Variants in SLC13A5 observed in about 807,000 individuals in gnomAD.
SLC13A5 encodes Na(+)/citrate cotransporter.
Under a neutral mutation model 56.5 loss-of-function variants are expected in SLC13A5, and 25 were observed. That is an observed-to-expected ratio of 0.44 (90% CI 0.32 to 0.62). The LOEUF (loss-of-function observed/expected upper bound fraction) is 0.62. SLC13A5 is among the 20% of genes least tolerant of loss of function. SLC13A5 has a pLI of 0.04. For missense variants in SLC13A5, 649 were observed against 737.8 expected, an observed-to-expected ratio of 0.88 and a Z score of 1.39; for synonymous variants, 307 against 301.5, an observed-to-expected ratio of 1.02 and a Z score of -0.19.
Position 6,707,832 on chromosome 17 carries a change from A to G in SLC13A5, c.103-676T>C, listed in dbSNP as rs113282900. ...CAGGGTGGGATAGGAGGGAGGGATT[A>G]AAATCTCAGACTTCACCACTATCCA... On this transcript the variant is annotated intron_variant, in intron 1 of 11. Coordinates refer to ENST00000433363, the MANE Select transcript of SLC13A5 (RefSeq NM_177550.5). 2.1e-3 allele frequency among the ~76,000 whole-genome samples: 325 copies of G among 152,308 alleles called. 2 individuals are homozygous for G. The highest frequency in any genetic ancestry group is 7.5e-3 in the African/African-American group (312 of 41,568).
chr17:6,685,714 G>C lies in SLC13A5; in HGVS notation c.*493C>G, dbSNP rs1973226184. 6.3e-6 allele frequency: 1 copy of C among 159,108 alleles called. No individual in the cohort carries two copies. Among genetic ancestry groups the C allele is most frequent in the Admixed American group, 5.9e-5 (1 of 16,868 alleles). 9.9% of individuals were successfully genotyped at this position (159,108 alleles called of 1,614,324 possible). On this transcript the variant is annotated 3_prime_UTR_variant, in exon 12 of 12. Transcript: ENST00000433363. The surrounding 1 kb of genome is among the most constrained non-coding windows in gnomAD (Gnocchi z 4.2). ...GACCAGGCATTCCGTCCCTGGCTGG[G>C]GTGTCCCTTCCAGAGTGACAGAGAT...
chr17:6,704,578 G>C (rs990751411), intron 3 of SLC13A5: 11 of 253,438 alleles, frequency 4.3e-5, no homozygotes, highest in African/African-American at 1.5e-4. Flanking sequence ...GGGAGCTTGG[G>C]AAAGTGTGAC....
intron 6 of SLC13A5, among the ~76,000 whole-genome samples, chr17:6,700,449 A>G (rs1973680167): frequency 6.6e-6 from 1 of 152,272 alleles, no homozygotes; most frequent in Non-Finnish European, 1.5e-5. Flanking sequence ...GTATGCGCTC[A>G]GCTCAGAGCT....
At position 6,690,695 on chromosome 17, in the gene SLC13A5, C is replaced by T. The variant is rs218697; in HGVS notation, c.1437+84G>A. The stretch of plus-strand genomic sequence containing the variant: ...AAGCCTGGTCTGAGTCTGGCCTGGA[C>T]ATTGCTGCCTCGTCAGGGACCCACA... On this transcript the variant is annotated intron_variant, in intron 10 of 11. Transcript: ENST00000433363. 136,316 of 1,583,074 alleles carry T rather than the reference C, an allele frequency of 0.086. 7,556 individuals carry two copies. The highest frequency in any genetic ancestry group is 0.25 in the African/African-American group (18,204 of 74,286).
In SLC13A5 at chr17:6,706,645, G is replaced by A. The variant is rs543812415; in HGVS notation, c.365C>T (p.Ala122Val). 1 of 1,613,428 alleles carries A rather than the reference G, an allele frequency of 6.2e-7. No homozygotes were observed. The highest frequency in any genetic ancestry group is 1.1e-5 in the South Asian group (1 of 90,936). ...AAGAGAGAGAAGGCGTAATTACCGT[G>A]CAGGCTTGGCCCCCACCCAGAGGAG... ...RTLLWVGAKP[A>V]RLMLGFMGVT... is the part of the protein sequence containing the mutation. Residue 122 changes from alanine to valine, a missense_variant, in exon 3 of 12, where the codon GCA (alanine) becomes GTA (valine). Transcript: ENST00000433363.
In SLC13A5 at chr17:6,686,052, G is replaced by C. The variant is rs140617883; in HGVS notation, c.*155C>G. ...CATGACCATCTCTGCATCTGGGCTT[G>C]GAGGAAGAGGTGGCCCATTGGCTGG... On this transcript the variant is annotated 3_prime_UTR_variant, in exon 12 of 12. Transcript: ENST00000433363. 3.8e-6 allele frequency: 4 copies of C among 1,051,238 alleles called. No individual in the cohort carries two copies. The highest frequency in any genetic ancestry group is 5.6e-6 in the Non-Finnish European group (4 of 717,016). The allele number at this position is 1,051,238 out of a possible 1,614,324, so 65.1% of individuals were successfully genotyped here. A position where few individuals can be genotyped will look rare whatever the true frequency, so the allele number is the denominator to read the frequency against.
In SLC13A5 at chr17:6,711,007, G is replaced by C. The variant is rs1330328104; in HGVS notation, c.102+2225C>G. ...ACCCAGAGGAAGGATAGAGAGAGTG[G>C]AGCAGAGATGAGGCCAGGAGGGAAT... On this transcript the variant is annotated intron_variant, in intron 1 of 11. Transcript: ENST00000433363. The surrounding 1 kb of genome is among the most constrained non-coding windows in gnomAD (Gnocchi z 4.0). 2.0e-5 allele frequency among the ~76,000 whole-genome samples: 3 copies of C among 151,998 alleles called. No individual in the cohort carries two copies. Among genetic ancestry groups the C allele is most frequent in the African/African-American group, 7.3e-5 (3 of 41,364 alleles).
chr17:6,687,509 A>T lies in SLC13A5; in HGVS notation c.1575+20T>A. 1.2e-6 allele frequency: 2 copies of T among 1,613,338 alleles called. No individual in the cohort carries two copies. Among genetic ancestry groups the T allele is most frequent in the Middle Eastern group, 1.7e-4 (1 of 6,058 alleles). On this transcript the variant is annotated intron_variant, in intron 11 of 11. Coordinates refer to ENST00000433363, the MANE Select transcript of SLC13A5 (RefSeq NM_177550.5). This position sits in a 1 kb window ranked among gnomAD's most constrained non-coding sequence, Gnocchi z 5.0. ...ACAGCGTTATAGTCCGACGGGAGTA[A>T]ATAAAAACAGCTGTGTTACCATGTC...
intron 10 of SLC13A5, 112 bp downstream of exon 10, chr17:6,690,667 C>A (rs1487177906): frequency 6.7e-7 from 1 of 1,487,042 alleles, no homozygotes; most frequent in South Asian, 1.2e-5. Flanking sequence ...ACCTGGGTCT[C>A]CAAAGCCTGG....
At chr17:6,690,568 C>T (rs1190126605) in intron 10 of SLC13A5, among the ~76,000 whole-genome samples, 1 of 152,150 alleles carries the variant, frequency 6.6e-6, no homozygotes, top group African/African-American at 2.4e-5. Context: ...GTGCTTTGGT[C>T]AGCAGGAGGG....
chr17:6,701,991 C>G lies in SLC13A5; in HGVS notation c.717-865G>C, dbSNP rs1447001421. ...CAGGCGCAGAGCTTTCCCCACTCAGCCCAGACGGGCTGCTCTTCCCAAAGA... is the reference window on the plus strand; with the variant it reads ...CAGGCGCAGAGCTTTCCCCACTCAGGCCAGACGGGCTGCTCTTCCCAAAGA... On this transcript the variant is annotated intron_variant, in intron 5 of 11. Coordinates refer to ENST00000433363, the MANE Select transcript of SLC13A5 (RefSeq NM_177550.5). The surrounding 1 kb of genome is among the most constrained non-coding windows in gnomAD (Gnocchi z 4.1). 6.6e-6 allele frequency among the ~76,000 whole-genome samples: 1 copy of G among 152,184 alleles called. No homozygotes were observed. Among genetic ancestry groups the G allele is most frequent in the Non-Finnish European group, 1.5e-5 (1 of 68,042 alleles).
At position 6,692,217 on chromosome 17, in the gene SLC13A5, G is replaced by GTGGATGGATGGACAGATGGA; in HGVS notation, c.1275+807_1275+826dup. 7.0e-6 allele frequency among the ~76,000 whole-genome samples: 1 copy of GTGGATGGATGGACAGATGGA among 143,830 alleles called. No individual in the cohort carries two copies. Among genetic ancestry groups the GTGGATGGATGGACAGATGGA allele is most frequent in the Non-Finnish European group, 1.5e-5 (1 of 66,190 alleles). The allele number at this position is 143,830 out of a possible 152,430, so 94.4% of individuals were successfully genotyped here. On this transcript the variant is annotated intron_variant, in intron 9 of 11. Coordinates refer to ENST00000433363, the MANE Select transcript of SLC13A5 (RefSeq NM_177550.5). This position sits in a 1 kb window ranked among gnomAD's most constrained non-coding sequence, Gnocchi z 5.5. ...GATAGATGGGTGGATAGATAGATGG[G>GTGGATGGATGGACAGATGGA]TGGATGGATGGACAGATGGATGGAT...
At chr17:6,698,352 T>C (rs1465479351) in intron 6 of SLC13A5, among the ~76,000 whole-genome samples, 1 of 152,214 alleles carries the variant, frequency 6.6e-6, no homozygotes, top group Non-Finnish European at 1.5e-5. Context: ...AGCTTCAGGT[T>C]CTGGCTGTGA....
intron 9 of SLC13A5, 145 bp from the exon 10 acceptor site, chr17:6,691,085 C>G: frequency 1.1e-6 from 1 of 883,630 alleles, no homozygotes; most frequent in Non-Finnish European, 1.7e-6. Flanking sequence ...CATTTTCATC[C>G]CCGTCCTCAC....
rs1973706944 is a variant in SLC13A5, at chr17:6,701,323, C to A, written c.717-197G>T. On this transcript the variant is annotated intron_variant, in intron 5 of 11. Transcript: ENST00000433363. The surrounding 1 kb of genome is among the most constrained non-coding windows in gnomAD (Gnocchi z 4.1). The stretch of plus-strand genomic sequence containing the variant: ...TGGGAGCCTCAGAACATGGCCACAG[C>A]ACAAGACAAGGCCGAGAAATGACCC... Among the ~76,000 whole-genome samples, 1 of 152,226 alleles carries A rather than the reference C, an allele frequency of 6.6e-6. No homozygotes were observed. Among genetic ancestry groups the A allele is most frequent in the African/African-American group, 2.4e-5 (1 of 41,458 alleles).
At chr17:6,699,763 G>A (rs1305703521) in intron 6 of SLC13A5, among the ~76,000 whole-genome samples, 13 of 152,126 alleles carry the variant, frequency 8.5e-5, no homozygotes, top group Non-Finnish European at 1.8e-4. Context: ...GGGCTACCAC[G>A]CCCGGCTAAT....
intron 1 of SLC13A5, among the ~76,000 whole-genome samples, chr17:6,708,959 C>T (rs2151500757): frequency 6.7e-6 from 1 of 150,194 alleles, no homozygotes; most frequent in East Asian, 2.0e-4. Context: ...AGCCAGTAAT[C>T]ATTTTCTTTT....
intron 6 of SLC13A5, among the ~76,000 whole-genome samples, chr17:6,698,249 G>A (rs917852208): frequency 3.3e-5 from 5 of 152,192 alleles, no homozygotes; most frequent in South Asian, 2.1e-4. Context: ...ACCCCACCAC[G>A]AGCATGCTCA....
intron 3 of SLC13A5, among the ~76,000 whole-genome samples, chr17:6,706,420 C>T (rs1973864231): frequency 1.3e-5 from 2 of 152,246 alleles, no homozygotes; most frequent in Non-Finnish European, 1.5e-5. Context: ...CCCACCTCCT[C>T]TGGATTCGAG....
Sources: allele counts gnomAD v4.1 joint callset (sites outside exome capture counted in the v4.1 genomes callset), GRCh38; gene constraint gnomAD v4.1.1; non-coding constraint Gnocchi (gnomAD v3.1); transcripts MANE v1.5; gene names NCBI Gene and HGNC (gene_info 2026-07-23, HGNC 2026-07-21).